Variants in CELSR1 observed in about 807,000 individuals in gnomAD.
CELSR1 encodes cadherin EGF LAG seven-pass G-type receptor 1.
CELSR1 carries 110 observed loss-of-function variants against 249.1 expected under a neutral mutation model. That is an observed-to-expected ratio of 0.44 (90% CI 0.38 to 0.52). CELSR1 has a LOEUF of 0.52. Ranked by LOEUF, CELSR1 falls within the 20% of genes least tolerant of loss-of-function variation. The pLI is 0.00. For synonymous variants in CELSR1, 2,113 were observed against 1,900.0 expected, an observed-to-expected ratio of 1.11 and a Z score of -2.92; for missense variants, 4,109 against 4,296.4, an observed-to-expected ratio of 0.96 and a Z score of 1.22.
rs751790068 is a variant in CELSR1, at chr22:46,534,550, T to C, written c.2621A>G (p.Asp874Gly). The change falls in exon 1 of 35, where the codon GAC becomes GGC. Residue 874 changes from aspartate (D) to glycine (G), a missense_variant. By Grantham distance (94) the Asp-to-Gly change is moderately conservative. This residue lies in a region of CELSR1 where 886 missense variants were observed against 896.5 expected (regional missense o/e 0.99). Coordinates refer to ENST00000674500, the MANE Select transcript of CELSR1 (RefSeq NM_001378328.1). This position sits in a 1 kb window ranked among gnomAD's most constrained non-coding sequence, Gnocchi z 9.7. ...AQDNGIPQKS[D>G]TTTLEILILD... The stretch of plus-strand genomic sequence containing the variant: ...GATGAGGATCTCTAGGGTGGTGGTG[T>C]CTGATTTCTGCGGGATGCCGTTGTC... 5 of 1,613,522 alleles carry C rather than the reference T, an allele frequency of 3.1e-6. No homozygotes were observed. Among genetic ancestry groups the C allele is most frequent in the Admixed American group, 1.7e-5 (1 of 59,998 alleles).
At chr22:46,502,011 C>A (rs984942323) in intron 1 of CELSR1, among the ~76,000 whole-genome samples, 2 of 151,962 alleles carry the variant, frequency 1.3e-5, no homozygotes, top group African/African-American at 4.8e-5. Flanking sequence ...AGGCCTGTAA[C>A]CCCAGCACCT....
intron 1 of CELSR1, among the ~76,000 whole-genome samples, chr22:46,532,318 TA>T (rs1337557664): frequency 6.6e-6 from 1 of 152,262 alleles, no homozygotes; most frequent in East Asian, 1.9e-4. Context: ...CTTAAGGGCC[TA>T]TTCCATATTC....
chr22:46,535,165 G>T lies in CELSR1; in HGVS notation c.2006C>A (p.Ser669Tyr). ...CACCGTGATGGACACGCTGGTGGAG[G>T]AGCTCATGGGGGGCGAGCCGTGGTC... ...AVDHGSPPMSSSTSVSITVLD... is the reference protein window; with the variant it reads ...AVDHGSPPMSYSTSVSITVLD... The change falls in exon 1 of 35, where the codon TCC becomes TAC. Residue 669 changes from serine (S) to tyrosine (Y), a missense_variant. Physicochemically the swap from Ser to Tyr is moderately radical, Grantham distance 144. Transcript: ENST00000674500. The T allele has an allele frequency of 6.2e-7, 1 of 1,609,720 alleles. No homozygotes were observed. Among genetic ancestry groups the T allele is most frequent in the Non-Finnish European group, 8.5e-7 (1 of 1,179,688 alleles).
At chr22:46,373,412 TGGGCG>T (rs1261613400) in intron 24 of CELSR1, among the ~76,000 whole-genome samples, 8 of 118,438 alleles carry the variant, frequency 6.8e-5, no homozygotes, top group Admixed American at 9.1e-5. Context: ...CCCAGTGCTC[TGGGCG>T]GGGCGGGGGG....
rs1029757639 is a variant in CELSR1, at chr22:46,413,355, G to T, written c.4612-1596C>A. The stretch of plus-strand genomic sequence containing the variant: ...CCTGGACACCCAGGCAGCACGCCCT[G>T]CCTGGAGTTGTGCAGTGGGCAGCCT... On this transcript the variant is annotated intron_variant, in intron 5 of 34. Coordinates refer to ENST00000674500, the MANE Select transcript of CELSR1 (RefSeq NM_001378328.1). This position sits in a 1 kb window ranked among gnomAD's most constrained non-coding sequence, Gnocchi z 4.7. Among the ~76,000 whole-genome samples the T allele has an allele frequency of 6.6e-6, 1 of 152,174 alleles. No homozygotes were observed. The highest frequency in any genetic ancestry group is 1.5e-5 in the Non-Finnish European group (1 of 68,022).
rs16994776 is a variant in CELSR1 at position 46,446,740 on chromosome 22, G to A, written c.4184-7329C>T. Among the ~76,000 whole-genome samples, 15 of 152,120 alleles carry A rather than the reference G, an allele frequency of 9.9e-5. No homozygotes were observed. The East Asian group carries it at 2.1e-3, about 22-fold the overall frequency. The stretch of plus-strand genomic sequence containing the variant: ...GCACTTAATCCATGAGTTACAAAAC[G>A]ACATAATTCCCATATTTGATTCAAA... On this transcript the variant is annotated intron_variant, in intron 2 of 34. Coordinates refer to ENST00000674500, the MANE Select transcript of CELSR1 (RefSeq NM_001378328.1). This position sits in a 1 kb window ranked among gnomAD's most constrained non-coding sequence, Gnocchi z 5.5.
chr22:46,369,069 T>C (rs2078820399), intron 27 of CELSR1, 110 bp downstream of exon 27: 2 of 890,028 alleles, frequency 2.2e-6, no homozygotes, highest in Non-Finnish European at 3.5e-6. Flanking sequence ...CCCCCAGCCC[T>C]CCTCCATGAG....
chr22:46,376,613 G>C (rs563944534), intron 24 of CELSR1, among the ~76,000 whole-genome samples: 1 of 152,220 alleles, frequency 6.6e-6, no homozygotes, highest in African/African-American at 2.4e-5. Flanking sequence ...CAAGTGATCT[G>C]CCTGCCTCAG....
At chr22:46,516,475 G>C (rs892868754) in intron 1 of CELSR1, among the ~76,000 whole-genome samples, 2 of 151,988 alleles carry the variant, frequency 1.3e-5, no homozygotes, top group African/African-American at 4.8e-5. Flanking sequence ...GGGGAGTGGG[G>C]AGGGATAGCA....
chr22:46,365,078 C>T (rs76139603), intron 32 of CELSR1, among the ~76,000 whole-genome samples, 153 bp downstream of exon 32: 4,904 of 152,268 alleles, frequency 0.032, 269 homozygotes, highest in African/African-American at 0.11. Context: ...TGTGGGGGAG[C>T]CCAACCAGAG....
In CELSR1 at chr22:46,399,905, G is replaced by A. The variant is rs1470480139; in HGVS notation, c.5227-3C>T. On this transcript the variant is annotated splice_polypyrimidine_tract_variant and splice_region_variant and intron_variant, in intron 9 of 34. Transcript: ENST00000674500. This position sits in a 1 kb window ranked among gnomAD's most constrained non-coding sequence, Gnocchi z 5.0. ...AACTGGAGGTAGTTGTTCAGGATCT[G>A]GAGCAGGGAGAGCCACACCGACTGA... The A allele has an allele frequency of 6.2e-7, 1 of 1,613,962 alleles. No homozygotes were observed. The highest frequency in any genetic ancestry group is 8.5e-7 in the Non-Finnish European group (1 of 1,179,866).
At chr22:46,529,778 GGGAGA>G (rs2080773891) in intron 1 of CELSR1, among the ~76,000 whole-genome samples, 6 of 151,778 alleles carry the variant, frequency 4.0e-5, no homozygotes, top group Non-Finnish European at 1.5e-5. Context: ...ACTCTAGGCT[GGGAGA>G]TACAGTGAGA....
At chr22:46,474,951 C>T (rs1161235541) in intron 1 of CELSR1, among the ~76,000 whole-genome samples, 1 of 152,114 alleles carries the variant, frequency 6.6e-6, no homozygotes, top group Non-Finnish European at 1.5e-5. Flanking sequence ...AATGGAAACG[C>T]ACAGGCAGGC....
rs1285996102 is a variant in CELSR1, at chr22:46,483,401, T to TC, written c.3545-19057_3545-19056insG. 1.2e-3 allele frequency among the ~76,000 whole-genome samples: 169 copies of TC among 143,310 alleles called. 1 individual carries two copies. Among genetic ancestry groups the TC allele is most frequent in the African/African-American group, 4.2e-3 (159 of 38,126 alleles). 94.0% of individuals were successfully genotyped at this position (143,310 alleles called of 152,430 possible). Reference sequence around the variant, plus strand: ...TATTCCTGACTTTTTTTTTTTTTTTTTTTTTTTTGAGACAGCGTCTCGCTC... The same window carrying TC: ...TATTCCTGACTTTTTTTTTTTTTTTTCTTTTTTTTGAGACAGCGTCTCGCTC... On this transcript the variant is annotated intron_variant, in intron 1 of 34. Transcript: ENST00000674500.
chr22:46,524,159 C>G (rs999820479), intron 1 of CELSR1, among the ~76,000 whole-genome samples: 6 of 152,220 alleles, frequency 3.9e-5, no homozygotes, highest in Admixed American at 3.9e-4. Flanking sequence ...CTCTTCCTGT[C>G]GCTACAAGCT....
intron 25 of CELSR1, 71 bp downstream of exon 25, chr22:46,372,812 C>T (rs2078869953): frequency 6.6e-7 from 1 of 1,512,066 alleles, no homozygotes. Flanking sequence ...GAAAGGAGGG[C>T]AGCGTTCCTG....
chr22:46,493,329 T>G (rs2080385169), intron 1 of CELSR1, among the ~76,000 whole-genome samples: 1 of 152,104 alleles, frequency 6.6e-6, no homozygotes, highest in African/African-American at 2.4e-5. Context: ...GTGGATCACC[T>G]GAGATCAGGA....
At position 46,436,327 on chromosome 22, in the gene CELSR1, C is replaced by A. The variant is rs368220756; in HGVS notation, c.4407-38G>T. 2 of 1,531,066 alleles carry A rather than the reference C, an allele frequency of 1.3e-6. No individual in the cohort carries two copies. Among genetic ancestry groups the A allele is most frequent in the Non-Finnish European group, 9.0e-7 (1 of 1,106,488 alleles). The allele number at this position is 1,531,066 out of a possible 1,614,324, so 94.8% of individuals were successfully genotyped here. A position where few individuals can be genotyped will look rare whatever the true frequency, so the allele number is the denominator to read the frequency against. On this transcript the variant is annotated intron_variant, in intron 3 of 34. Transcript: ENST00000674500. This position sits in a 1 kb window ranked among gnomAD's most constrained non-coding sequence, Gnocchi z 5.9. ...GCAGAGGCACATCACAGGATGAAGA[C>A]CCCAGGGTCCAAAGGCTGCCTAGGA...
Position 46,450,259 on chromosome 22 carries a change from C to T in CELSR1, c.4184-10848G>A, listed in dbSNP as rs570070449. ...AGCAGAGGCCCCCAGCCACCAGGGC[C>T]TTTGTCCAGCAACAGAGCTGTGGGG... On this transcript the variant is annotated intron_variant, in intron 2 of 34. Transcript: ENST00000674500. Among the ~76,000 whole-genome samples, 13 of 152,376 alleles carry T rather than the reference C, an allele frequency of 8.5e-5. No homozygotes were observed. In the South Asian group the frequency reaches 1.9e-3, roughly 22 times the overall value.
Sources: allele counts gnomAD v4.1 joint callset (sites outside exome capture counted in the v4.1 genomes callset), GRCh38; gene constraint gnomAD v4.1.1; regional missense constraint gnomAD v4.1.1; non-coding constraint Gnocchi (gnomAD v3.1); transcripts MANE v1.5; gene names NCBI Gene and HGNC (gene_info 2026-07-23, HGNC 2026-07-21).